PRKG1: variants seen among roughly 807,000 people sequenced by gnomAD.
PRKG1 encodes the protein protein kinase cGMP-dependent 1.
Under a neutral mutation model 88.1 loss-of-function variants are expected in PRKG1, and 35 were observed. The observed-to-expected ratio is 0.40, with a 90% CI of 0.30 to 0.53. The LOEUF (loss-of-function observed/expected upper bound fraction) is 0.53. Ranked by LOEUF, PRKG1 falls within the 20% of genes least tolerant of loss-of-function variation. PRKG1 has a pLI of 0.59. For synonymous variants in PRKG1, 303 were observed against 292.5 expected (o/e 1.04, Z -0.37); for missense variants, 540 against 839.8 (o/e 0.64, Z 4.41).
At position 51,249,334 on chromosome 10, in the gene PRKG1, T is replaced by A. The variant is rs531429759; in HGVS notation, c.478+96004T>A. The stretch of plus-strand genomic sequence containing the variant: ...GAATTATCAACATTAGAAAATGCAC[T>A]GAATATTAACTTGAAAAGTTTTTGA... On this transcript the variant is annotated intron_variant, in intron 2 of 17. Transcript: ENST00000373980. Among the ~76,000 whole-genome samples, 5 of 151,886 alleles carry A rather than the reference T, an allele frequency of 3.3e-5. No homozygotes were observed. The South Asian group carries it at 1.0e-3, about 31-fold the overall frequency.
intron 2 of PRKG1, among the ~76,000 whole-genome samples, chr10:51,286,918 C>T (rs1335622054): frequency 6.6e-6 from 1 of 152,088 alleles, no homozygotes; most frequent in African/African-American, 2.4e-5. Context: ...ACTCTGTCGC[C>T]CAGGCTGGAG....
chr10:51,404,157 C>T (rs531565552), intron 2 of PRKG1, among the ~76,000 whole-genome samples: 2 of 152,320 alleles, frequency 1.3e-5, no homozygotes, highest in African/African-American at 4.8e-5. Context: ...TGATGTAGCT[C>T]ACACTTTCTC....
intron 2 of PRKG1, among the ~76,000 whole-genome samples, chr10:51,164,804 G>C (rs1326043207): frequency 6.6e-6 from 1 of 152,092 alleles, no homozygotes; most frequent in Non-Finnish European, 1.5e-5. Context: ...ATCAGTGATG[G>C]AAGATGAAAT....
intron 5 of PRKG1, among the ~76,000 whole-genome samples, chr10:52,001,287 T>C (rs1000966604): frequency 1.3e-5 from 2 of 151,924 alleles, no homozygotes; most frequent in African/African-American, 4.8e-5. Flanking sequence ...AGAGACCTAA[T>C]GTACAACATG....
intron 2 of PRKG1, among the ~76,000 whole-genome samples, chr10:51,376,749 A>G (rs933029408): frequency 8.5e-5 from 13 of 152,076 alleles, no homozygotes; most frequent in African/African-American, 3.1e-4. Context: ...ATCTCGGCTC[A>G]CTGCAACCTC....
chr10:51,377,412 T>C (rs1842839425), intron 2 of PRKG1, among the ~76,000 whole-genome samples: 2 of 152,220 alleles, frequency 1.3e-5, no homozygotes, highest in South Asian at 2.1e-4. Context: ...TATGTGTTCA[T>C]AAGTTATTTT....
chr10:51,908,734 A>ATATATATTTT (rs563212069), intron 5 of PRKG1: 10 of 52,234 alleles, frequency 1.9e-4, no homozygotes, highest in African/African-American at 3.5e-4. Context: ...TCTATATGTA[A>ATATATATTTT]TTTTTTTTTT....
At chr10:51,127,053 C>G (rs1845445042) in intron 1 of PRKG1, among the ~76,000 whole-genome samples, 1 of 152,016 alleles carries the variant, frequency 6.6e-6, no homozygotes, top group Non-Finnish European at 1.5e-5. Context: ...TAGGCATGGA[C>G]AAAGATTTCA....
Position 52,035,698 on chromosome 10 carries a change from G to A in PRKG1, c.763-18786G>A, listed in dbSNP as rs1374562002. On this transcript the variant is annotated intron_variant, in intron 5 of 17. Coordinates refer to ENST00000373980, the MANE Select transcript of PRKG1 (RefSeq NM_006258.4). ...ATTGTGGGAGACTCAACAAAGAGTG[G>A]GTACAGCTGAAGGAGCCGGGGAGCA... Among the ~76,000 whole-genome samples, 7 of 151,836 alleles carry A rather than the reference G, an allele frequency of 4.6e-5. No homozygotes were observed. In the South Asian group the frequency reaches 1.2e-3, roughly 27 times the overall value.
Position 52,171,786 on chromosome 10 carries a change from A to ATTTTTTTTTTTT in PRKG1, c.1076+9839_1076+9850dup, listed in dbSNP as rs545195374. ...ATAGAAGTATTTTTCTTTTATCAAA[A>ATTTTTTTTTTTT]TTTTTTTTTTTTTTTTTTTTTTTTT... On this transcript the variant is annotated intron_variant, in intron 9 of 17. Transcript: ENST00000373980. 4.4e-4 allele frequency among the ~76,000 whole-genome samples: 41 copies of ATTTTTTTTTTTT among 93,852 alleles called. 2 individuals are homozygous for ATTTTTTTTTTTT. Among genetic ancestry groups the ATTTTTTTTTTTT allele is most frequent in the African/African-American group, 1.7e-3 (39 of 23,444 alleles). The allele number at this position is 93,852 out of a possible 152,430, so 61.6% of individuals were successfully genotyped here. A position where few individuals can be genotyped will look rare whatever the true frequency, so the allele number is the denominator to read the frequency against.
chr10:51,198,097 A>T (rs7917209), intron 2 of PRKG1, among the ~76,000 whole-genome samples: 8,018 of 152,128 alleles, frequency 0.053, 395 homozygotes, highest in African/African-American at 0.13. Flanking sequence ...TTCCCTGGTC[A>T]TCAAAAATAA....
rs755674276 is a variant in PRKG1, at chr10:51,699,601, C to G, written c.593-104984C>G. ...GCGGATTCTTCGAGGCGTCTGTCCT[C>G]TTGCGACCGACACTTCCGCTGAGCA... is the stretch of plus-strand genomic sequence containing the variant. On this transcript the variant is annotated intron_variant, in intron 3 of 17. Coordinates refer to ENST00000373980, the MANE Select transcript of PRKG1 (RefSeq NM_006258.4). 8 of 1,545,062 alleles carry G rather than the reference C, an allele frequency of 5.2e-6. No individual in the cohort carries two copies. The South Asian group carries it at 7.4e-5, about 14-fold the overall frequency.
intron 7 of PRKG1, among the ~76,000 whole-genome samples, chr10:52,112,991 G>A (rs1054355732): frequency 6.6e-6 from 1 of 152,164 alleles, no homozygotes; most frequent in Non-Finnish European, 1.5e-5. Context: ...CATGCTGTGT[G>A]CCACTCATCA....
intron 3 of PRKG1, among the ~76,000 whole-genome samples, chr10:51,548,280 G>A (rs113495532): frequency 0.01 from 1,589 of 152,170 alleles, 13 homozygotes; most frequent in Admixed American, 0.016. Flanking sequence ...TGAACACAGT[G>A]ACTCCATGTC....
chr10:52,046,339 T>C (rs1351404393), intron 5 of PRKG1, among the ~76,000 whole-genome samples: 2 of 152,058 alleles, frequency 1.3e-5, no homozygotes, highest in Admixed American at 1.3e-4. Flanking sequence ...ATTTGTACCT[T>C]TACAAACACT....
At chr10:51,878,250 A>ATGTGTGTGTG (rs57901574) in intron 4 of PRKG1, among the ~76,000 whole-genome samples, 4,164 of 150,948 alleles carry the variant, frequency 0.028, 189 homozygotes, top group African/African-American at 0.093. Context: ...GTGTGAATAT[A>ATGTGTGTGTG]TGTGTGTGTG....
intron 5 of PRKG1, among the ~76,000 whole-genome samples, chr10:51,958,218 A>G (rs987006855): frequency 6.6e-6 from 1 of 152,188 alleles, no homozygotes; most frequent in Admixed American, 6.6e-5. Flanking sequence ...TTCCTACCTT[A>G]TTTAATTTCT....
chr10:51,954,714 T>A (rs1843262657), intron 5 of PRKG1, among the ~76,000 whole-genome samples: 1 of 152,228 alleles, frequency 6.6e-6, no homozygotes, highest in Non-Finnish European at 1.5e-5. Context: ...GTAAACTCAA[T>A]AACTGATCAG....
rs551520119 is a variant in PRKG1, at chr10:51,650,519, A to T, written c.593-154066A>T. 2.0e-5 allele frequency among the ~76,000 whole-genome samples: 3 copies of T among 152,310 alleles called. No individual in the cohort carries two copies. In the South Asian group the frequency reaches 6.2e-4, roughly 32 times the overall value. On this transcript the variant is annotated intron_variant, in intron 3 of 17. Transcript: ENST00000373980. The stretch of plus-strand genomic sequence containing the variant: ...ACTCTTAGTTCTTAGAGTATTAAAG[A>T]ATTCAGTGTTGACTTTCAAACTATT...
Sources: gnomAD v4.1 joint callset for allele counts (sites outside exome capture counted in the v4.1 genomes callset) on GRCh38, gnomAD v4.1.1 for gene constraint, MANE v1.5 for transcripts, NCBI Gene and HGNC (gene_info 2026-07-23, HGNC 2026-07-21) for gene names.